The following ATG10 variants were observed in gnomAD, a reference collection of about 807,000 sequenced individuals.
ATG10 encodes the protein ubiquitin-like-conjugating enzyme ATG10.
ATG10 carries 30 observed loss-of-function variants against 32.1 expected under a neutral mutation model. The observed-to-expected ratio is 0.94, with a 90% confidence interval of 0.70 to 1.27. ATG10 has a LOEUF of 1.27. Among genes scored for constraint, ATG10 ranks in the 50% most tolerant of loss-of-function variants. ATG10 has a pLI of 0.00. For synonymous variants in ATG10, 87 were observed against 91.5 expected, an observed-to-expected ratio of 0.95 and a Z score of 0.28; for missense variants, 233 against 262.3, an observed-to-expected ratio of 0.89 and a Z score of 0.77.
rs1747331061 is a variant in ATG10, at chr5:82,253,185, A to G, written c.552-129A>G. ...TGGCATTCAGAAATGCTGAGATTCC[A>G]GGTGGTAGGTACAAATCTTTGAAGA... On this transcript the variant is annotated intron_variant, in intron 6 of 7. Transcript: ENST00000282185. 34 of 656,114 alleles carry G rather than the reference A, an allele frequency of 5.2e-5. 1 individual carries two copies. In the South Asian group the frequency reaches 6.0e-4, roughly 12 times the overall value. The allele number at this position is 656,114 out of a possible 1,614,324, so 40.6% of individuals were successfully genotyped here.
chr5:82,052,966 A>G (rs945970616), intron 2 of ATG10, among the ~76,000 whole-genome samples: 1 of 152,212 alleles, frequency 6.6e-6, no homozygotes, highest in Non-Finnish European at 1.5e-5. Flanking sequence ...TATTTACTAC[A>G]TATGTGACTA....
intron 2 of ATG10, among the ~76,000 whole-genome samples, chr5:82,033,339 C>CTT (rs531673501): frequency 3.6e-5 from 5 of 138,464 alleles, no homozygotes; most frequent in African/African-American, 5.2e-5. Flanking sequence ...TCTTCTTCTT[C>CTT]TTTTTTTTTT....
At chr5:82,044,779 A>G (rs1763188127) in intron 2 of ATG10, among the ~76,000 whole-genome samples, 1 of 152,116 alleles carries the variant, frequency 6.6e-6, no homozygotes, top group African/African-American at 2.4e-5. Context: ...TCCTAGCCCT[A>G]TGTGCATTCT....
chr5:82,239,784 A>T (rs933152455), intron 5 of ATG10, among the ~76,000 whole-genome samples: 1 of 152,236 alleles, frequency 6.6e-6, no homozygotes, highest in African/African-American at 2.4e-5. Flanking sequence ...AGTGATTAAT[A>T]ATCAGAATAT....
intron 3 of ATG10, among the ~76,000 whole-genome samples, chr5:82,148,414 A>G (rs1286717078): frequency 6.6e-6 from 1 of 152,130 alleles, no homozygotes; most frequent in Non-Finnish European, 1.5e-5. Flanking sequence ...TCTTCTTTTT[A>G]TATGCTTATA....
At chr5:81,989,625 G>A (rs1477132087) in intron 2 of ATG10, among the ~76,000 whole-genome samples, 1 of 150,626 alleles carries the variant, frequency 6.6e-6, no homozygotes, top group East Asian at 1.9e-4. Flanking sequence ...TTTGAGACGA[G>A]TCTCGCTCTG....
chr5:82,167,074 A>C (rs987969716), intron 4 of ATG10, among the ~76,000 whole-genome samples: 7 of 152,102 alleles, frequency 4.6e-5, no homozygotes, highest in African/African-American at 1.7e-4. Context: ...TCGAAATGCA[A>C]ATCCCTTAGA....
chr5:82,164,638 A>G (rs1743507172), intron 4 of ATG10, 101 bp downstream of exon 4: 1 of 1,194,000 alleles, frequency 8.4e-7, no homozygotes, highest in African/African-American at 1.6e-5. Flanking sequence ...AAATAGAGTT[A>G]AAAATGAGAA....
chr5:82,055,420 A>G (rs1202190362), intron 2 of ATG10, among the ~76,000 whole-genome samples: 3 of 152,158 alleles, frequency 2.0e-5, no homozygotes, highest in African/African-American at 7.2e-5. Context: ...CAGATAATTT[A>G]TTTAGATTTT....
chr5:82,234,160 G>A (rs1172020737), intron 5 of ATG10, among the ~76,000 whole-genome samples: 1 of 152,182 alleles, frequency 6.6e-6, no homozygotes, highest in African/African-American at 2.4e-5. Context: ...TCTGTTCCAG[G>A]TATGGGAGAC....
intron 2 of ATG10, among the ~76,000 whole-genome samples, chr5:81,994,174 TATG>T (rs1331488591): frequency 6.6e-6 from 1 of 152,218 alleles, no homozygotes; most frequent in Non-Finnish European, 1.5e-5. Flanking sequence ...CCATTTTCTA[TATG>T]ATTTTTTTTC....
chr5:82,097,605 GGT>G (rs1363243202), intron 3 of ATG10, among the ~76,000 whole-genome samples: 1 of 151,990 alleles, frequency 6.6e-6, no homozygotes, highest in Non-Finnish European at 1.5e-5. Context: ...TTGTATTATA[GGT>G]ATTAAAAGTA....
At chr5:82,037,527 G>A (rs544898714) in intron 2 of ATG10, among the ~76,000 whole-genome samples, 60 of 151,736 alleles carry the variant, frequency 4.0e-4, no homozygotes, top group African/African-American at 1.3e-3. Flanking sequence ...GATTACAGGC[G>A]TGAGCCACCG....
At chr5:82,014,427 A>G (rs1185100688) in intron 2 of ATG10, among the ~76,000 whole-genome samples, 8 of 151,656 alleles carry the variant, frequency 5.3e-5, no homozygotes, top group Admixed American at 1.3e-4. Context: ...TTGACAGTGG[A>G]GTGTTAAAGT....
At chr5:82,251,417 A>C (rs1397316673) in intron 5 of ATG10, among the ~76,000 whole-genome samples, 1 of 152,170 alleles carries the variant, frequency 6.6e-6, no homozygotes, top group Non-Finnish European at 1.5e-5. Context: ...GTTTAAAAAT[A>C]AATTATGCCA....
At chr5:82,040,984 A>T (rs1763067934) in intron 2 of ATG10, among the ~76,000 whole-genome samples, 2 of 152,204 alleles carry the variant, frequency 1.3e-5, no homozygotes, top group East Asian at 1.9e-4. Context: ...CTTTATTTAG[A>T]TGCCTTTGTT....
At chr5:82,009,684 T>C in intron 2 of ATG10, 1 of 1,583,818 alleles carries the variant, frequency 6.3e-7, no homozygotes, top group South Asian at 1.1e-5. Context: ...CTCCACAATA[T>C]TCATGCCTTC....
In ATG10 at chr5:82,131,357, T is replaced by A. The variant is rs559178612; in HGVS notation, c.217-33042T>A. ...TTTATACTAGAAAGAACACTGAACT[T>A]GGAGTTTAAAGATAGGGGTTCATTT... On this transcript the variant is annotated intron_variant, in intron 3 of 7. Transcript: ENST00000282185. Among the ~76,000 whole-genome samples the A allele has an allele frequency of 2.2e-4, 33 of 152,286 alleles. 2 individuals carry two copies. The East Asian group carries it at 6.2e-3, about 29-fold the overall frequency.
chr5:82,182,227 C>T (rs1744264514), intron 5 of ATG10, among the ~76,000 whole-genome samples: 1 of 151,942 alleles, frequency 6.6e-6, no homozygotes, highest in Admixed American at 6.6e-5. Flanking sequence ...TTTTTTTGAA[C>T]TTTATATTAT....
Sources: gnomAD v4.1 joint callset for allele counts (sites outside exome capture counted in the v4.1 genomes callset) on GRCh38, gnomAD v4.1.1 for gene constraint, MANE v1.5 for transcripts, NCBI Gene and HGNC (gene_info 2026-07-23, HGNC 2026-07-21) for gene names.